The following ZMYM2 variants were observed in gnomAD, a reference collection of about 807,000 sequenced individuals.
ZMYM2 encodes the protein zinc finger MYM-type protein 2.
A neutral mutation model predicts 162.8 loss-of-function variants in ZMYM2; 56 were observed. The ratio of observed to expected loss-of-function variants is 0.34; its 90% confidence interval spans 0.28 to 0.43. The LOEUF is 0.43. Among genes scored for constraint, ZMYM2 ranks in the 20% least tolerant of loss-of-function variants. The probability of loss-of-function intolerance (pLI) is 1.00; values close to 1 mark genes in which losing one functional copy is unlikely to be tolerated. For missense variants in ZMYM2, 1,275 were observed against 1,621.8 expected (o/e 0.79, Z 3.67); for synonymous variants, 510 against 541.6 (o/e 0.94, Z 0.81).
At chr13:19,885,889 A>ATGTACACATATATG in the ZMYM2 span, among the ~76,000 whole-genome samples, 1 of 33,278 alleles carries the variant, frequency 3.0e-5, no homozygotes, top group Non-Finnish European at 8.1e-5. Flanking sequence ...ACACATATAT[A>ATGTACACATATATG]TGTGTATACA....
Position 20,059,343 on chromosome 13 carries a change from G to A in ZMYM2, c.2624-104G>A, listed in dbSNP as rs987584973. ...AAAACTGGGAATTAAAAAAAAAAAGGTACTGAGGTAGTTAAATTTTTCTTT... is the reference window on the plus strand; with the variant it reads ...AAAACTGGGAATTAAAAAAAAAAAGATACTGAGGTAGTTAAATTTTTCTTT... On this transcript the variant is annotated intron_variant, in intron 15 of 24. Coordinates refer to ENST00000610343, the MANE Select transcript of ZMYM2 (RefSeq NM_197968.4). 7.3e-6 allele frequency: 9 copies of A among 1,235,450 alleles called. No individual in the cohort carries two copies. In the African/African-American group the frequency reaches 1.1e-4, roughly 15 times the overall value. 76.5% of individuals were successfully genotyped at this position (1,235,450 alleles called of 1,614,324 possible).
At position 20,088,722 on chromosome 13, in the gene ZMYM2, G is replaced by A. The variant is rs897968962; in HGVS notation, c.*2708G>A. 5.1e-6 allele frequency: 1 copy of A among 195,970 alleles called. No individual in the cohort carries two copies. The highest frequency in any genetic ancestry group is 1.1e-5 in the Non-Finnish European group (1 of 94,336). The allele number at this position is 195,970 out of a possible 1,614,324, so 12.1% of individuals were successfully genotyped here. Reference sequence around the variant, plus strand: ...CAGTATGTTAAACATTGAAGTAGGAGGAGGATGCATATTGTACTATGCATT... The same window carrying A: ...CAGTATGTTAAACATTGAAGTAGGAAGAGGATGCATATTGTACTATGCATT... On this transcript the variant is annotated 3_prime_UTR_variant, in exon 25 of 25. Transcript: ENST00000610343.
the ZMYM2 span, among the ~76,000 whole-genome samples, chr13:19,937,812 T>C: frequency 5.2e-4 from 58 of 110,968 alleles, 1 homozygote; most frequent in Middle Eastern, 0.021. Context: ...CAACAGTCCC[T>C]GGTGTGTGAT....
chr13:19,997,100 C>CT (rs1282303494), intron 3 of ZMYM2, among the ~76,000 whole-genome samples: 1 of 152,050 alleles, frequency 6.6e-6, no homozygotes, highest in Admixed American at 6.6e-5. Flanking sequence ...GTCTTTTAGT[C>CT]TTTTTTTGTA....
chr13:19,990,675 A>G (rs1343890415), intron 2 of ZMYM2, among the ~76,000 whole-genome samples: 3 of 152,220 alleles, frequency 2.0e-5, no homozygotes, highest in African/African-American at 7.2e-5. Flanking sequence ...GTCATCTGTA[A>G]ATCAAAGCAA....
the ZMYM2 span, among the ~76,000 whole-genome samples, chr13:19,947,863 T>TCAATGA: frequency 6.6e-6 from 1 of 152,130 alleles, no homozygotes; most frequent in East Asian, 1.9e-4. Context: ...CGCTCTATTC[T>TCAATGA]CAATGACAAT....
At chr13:20,020,065 G>A (rs1027286157) in intron 7 of ZMYM2, 1 of 156,012 alleles carries the variant, frequency 6.4e-6, no homozygotes, top group Non-Finnish European at 1.4e-5. Context: ...ACTTTTAACT[G>A]TAGTACAGTT....
intron 2 of ZMYM2, among the ~76,000 whole-genome samples, chr13:19,979,428 CTTTTTT>C (rs71763618): frequency 9.0e-6 from 1 of 110,850 alleles, no homozygotes; most frequent in African/African-American, 3.3e-5. Context: ...TTTTTCTGCA[CTTTTTT>C]TTTTTTTTTT....
At chr13:19,948,593 G>A in the ZMYM2 span, among the ~76,000 whole-genome samples, 1 of 152,270 alleles carries the variant, frequency 6.6e-6, no homozygotes, top group Non-Finnish European at 1.5e-5. Flanking sequence ...TGGTTACTAC[G>A]GGTTATAGGG....
chr13:19,965,483 A>G (rs1021155630), intron 2 of ZMYM2, among the ~76,000 whole-genome samples: 3 of 152,206 alleles, frequency 2.0e-5, no homozygotes, highest in Non-Finnish European at 2.9e-5. Context: ...AACAAATTGG[A>G]TATTACAACA....
chr13:19,868,689 C>T, the ZMYM2 span, among the ~76,000 whole-genome samples: 1 of 152,288 alleles, frequency 6.6e-6, no homozygotes, highest in East Asian at 1.9e-4. Context: ...ACTGATCTTA[C>T]ATTTGCATTT....
intron 9 of ZMYM2, among the ~76,000 whole-genome samples, chr13:20,030,110 C>CT (rs1952950800): frequency 6.6e-6 from 1 of 151,100 alleles, no homozygotes; most frequent in Non-Finnish European, 1.5e-5. Context: ...ATTGTTTTAA[C>CT]TTTAAAAAAA....
intron 2 of ZMYM2, among the ~76,000 whole-genome samples, chr13:19,962,469 G>C (rs1955323768): frequency 7.1e-6 from 1 of 140,088 alleles, no homozygotes; most frequent in African/African-American, 2.7e-5. Flanking sequence ...TTGATTATGA[G>C]AAGACTGGGC....
chr13:20,081,095 A>G (rs1377726223), intron 21 of ZMYM2, among the ~76,000 whole-genome samples: 3 of 152,096 alleles, frequency 2.0e-5, no homozygotes, highest in East Asian at 1.9e-4. Context: ...TTTGTATTCT[A>G]TCTGTTCTTT....
At chr13:20,011,573 GTTTTATTTTTTTT>G (rs1161127785) in intron 6 of ZMYM2, among the ~76,000 whole-genome samples, 1 of 144,204 alleles carries the variant, frequency 6.9e-6, no homozygotes, top group African/African-American at 2.6e-5. Context: ...TTATTTTTTT[GTTTTATTTTTTTT>G]TTTTTTGAGG....
chr13:20,003,586 TAGAA>T (rs1456381063), intron 4 of ZMYM2, among the ~76,000 whole-genome samples: 3 of 152,116 alleles, frequency 2.0e-5, no homozygotes, highest in Non-Finnish European at 4.4e-5. Context: ...TAGCCAGCCT[TAGAA>T]AGGCAGGATC....
At chr13:19,965,086 TAAAA>T (rs11365422) in intron 2 of ZMYM2, 13 of 283,316 alleles carry the variant, frequency 4.6e-5, no homozygotes, top group African/African-American at 2.3e-4. Flanking sequence ...TAAAGTATAA[TAAAA>T]AAAAAAAAAG....
chr13:19,884,883 A>C, the ZMYM2 span, among the ~76,000 whole-genome samples: 1 of 152,124 alleles, frequency 6.6e-6, no homozygotes, highest in Admixed American at 6.5e-5. Flanking sequence ...GCCGGCTTTT[A>C]TTCCCTTATT....
intron 2 of ZMYM2, among the ~76,000 whole-genome samples, chr13:19,976,436 T>C (rs1476670532): frequency 1.3e-5 from 2 of 151,980 alleles, no homozygotes; most frequent in Non-Finnish European, 2.9e-5. Context: ...CAACATAAAA[T>C]TTACTATTTT....
Sources: allele counts gnomAD v4.1 joint callset (sites outside exome capture counted in the v4.1 genomes callset), GRCh38; gene constraint gnomAD v4.1.1; transcripts MANE v1.5; gene names NCBI Gene and HGNC (gene_info 2026-07-23, HGNC 2026-07-21).